Variants in GAREM2 observed in about 807,000 individuals in gnomAD.
The protein encoded by GAREM2 is GRB2 associated regulator of MAPK1 subtype 2.
A neutral mutation model predicts 55.6 loss-of-function variants in GAREM2; 30 were observed. The observed-to-expected ratio is 0.54, with a 90% CI of 0.40 to 0.73. The LOEUF (loss-of-function observed/expected upper bound fraction) is 0.73. GAREM2 is among the 30% of genes least tolerant of loss of function. The pLI is 0.00. For missense variants in GAREM2, 1,075 were observed against 1,257.7 expected, an observed-to-expected ratio of 0.85 and a Z score of 2.20; for synonymous variants, 550 against 569.1, an observed-to-expected ratio of 0.97 and a Z score of 0.48.
Position 26,179,260 on chromosome 2 carries a change from GTGTTGGCCT to G in GAREM2, c.253+2781_253+2789del, listed in dbSNP as rs1668967978. Among the ~76,000 whole-genome samples, 1 of 152,186 alleles carries G rather than the reference GTGTTGGCCT, an allele frequency of 6.6e-6. No individual in the cohort carries two copies. The highest frequency in any genetic ancestry group is 1.5e-5 in the Non-Finnish European group (1 of 68,024). On this transcript the variant is annotated intron_variant, in intron 2 of 5. Coordinates refer to ENST00000401533, the MANE Select transcript of GAREM2 (RefSeq NM_001168241.2). The surrounding 1 kb of genome is among the most constrained non-coding windows in gnomAD (Gnocchi z 4.7). ...CCCTGAGCATGGTGCCACTTCCCCA[GTGTTGGCCT>G]TGTTTCCTGCTCAGCATTTGGCAGA...
At chr2:26,204,195 GCCT>G in the GAREM2 span, 1 of 1,613,842 alleles carries the variant, frequency 6.2e-7, no homozygotes, top group Non-Finnish European at 8.5e-7. Context: ...ATAGCCAGAT[GCCT>G]GCAAGGCAAG....
intron 1 of GAREM2, among the ~76,000 whole-genome samples, chr2:26,174,790 G>A (rs953859957): frequency 1.3e-5 from 2 of 152,178 alleles, no homozygotes; most frequent in Non-Finnish European, 2.9e-5. Context: ...GGGCCCCTTG[G>A]CCGGAGACTG....
chr2:26,194,700 T>C, the GAREM2 span: 373 of 1,049,182 alleles, frequency 3.6e-4, 1 homozygote, highest in South Asian at 1.7e-3. Context: ...TGAAACACTC[T>C]ACCTTTCCCA....
At chr2:26,175,341 AC>A (rs952628491) in intron 1 of GAREM2, among the ~76,000 whole-genome samples, 49 of 151,702 alleles carry the variant, frequency 3.2e-4, no homozygotes, top group Admixed American at 9.8e-4. Context: ...CCAGGCCCAG[AC>A]CCCTCCCAAC....
In GAREM2 at chr2:26,179,051, G is replaced by T. The variant is rs567764539; in HGVS notation, c.253+2567G>T. 6.6e-6 allele frequency among the ~76,000 whole-genome samples: 1 copy of T among 152,338 alleles called. No individual in the cohort carries two copies. Among genetic ancestry groups the T allele is most frequent in the African/African-American group, 2.4e-5 (1 of 41,570 alleles). On this transcript the variant is annotated intron_variant, in intron 2 of 5. Coordinates refer to ENST00000401533, the MANE Select transcript of GAREM2 (RefSeq NM_001168241.2). The surrounding 1 kb of genome is among the most constrained non-coding windows in gnomAD (Gnocchi z 4.7). ...CCGGCTGCGGACCGCGGAGAGAGCC[G>T]AGGGGAAGGCCGTGGAGGGAGGAGG...
Position 26,185,279 on chromosome 2 carries a change from G to A in GAREM2, c.1428+3G>A. On this transcript the variant is annotated splice_donor_region_variant and intron_variant, in intron 4 of 5. Transcript: ENST00000401533. The stretch of plus-strand genomic sequence containing the variant: ...CAGTCCCTCCCAAATCCGAGGCGGT[G>A]AGTGAGCGCGCTGGGGGCCGAGTCC... 6.6e-7 allele frequency: 1 copy of A among 1,510,480 alleles called. No homozygotes were observed. Among genetic ancestry groups the A allele is most frequent in the Non-Finnish European group, 8.8e-7 (1 of 1,136,198 alleles). The allele number at this position is 1,510,480 out of a possible 1,614,324, so 93.6% of individuals were successfully genotyped here.
In GAREM2 at chr2:26,184,761, C is replaced by G. The variant is rs1669172988; in HGVS notation, c.913C>G (p.Leu305Val). Residue 305 changes from leucine to valine, a missense_variant, in exon 4 of 6, where the codon CTG (leucine) becomes GTG (valine). Leu to Val is a conservative substitution (Grantham distance 32, BLOSUM62 1). This residue lies in a region of GAREM2 where 170 missense variants were observed against 220.7 expected (regional missense o/e 0.77). Coordinates refer to ENST00000401533, the MANE Select transcript of GAREM2 (RefSeq NM_001168241.2). Reference protein sequence around the residue: ...ISKTVVLGLALRREGPAPLHF... With the variant: ...ISKTVVLGLAVRREGPAPLHF... ...CAAGACGGTGGTGCTGGGGCTGGCG[C>G]TGCGCCGCGAGGGCCCGGCGCCGCT... 1 of 1,497,474 alleles carries G rather than the reference C, an allele frequency of 6.7e-7. No individual in the cohort carries two copies. The highest frequency in any genetic ancestry group is 1.4e-5 in the African/African-American group (1 of 69,106). 92.8% of individuals were successfully genotyped at this position (1,497,474 alleles called of 1,614,324 possible). A position where few individuals can be genotyped will look rare whatever the true frequency, so the allele number is the denominator to read the frequency against.
chr2:26,193,681 T>A, downstream of GAREM2: 1 of 1,614,012 alleles, frequency 6.2e-7, no homozygotes, highest in Non-Finnish European at 8.5e-7. Flanking sequence ...TTTCGCTACA[T>A]CCACACCAAC....
At chr2:26,202,932 G>A in the GAREM2 span, among the ~76,000 whole-genome samples, 1 of 152,236 alleles carries the variant, frequency 6.6e-6, no homozygotes, top group Non-Finnish European at 1.5e-5. Flanking sequence ...GCAGTGTGGT[G>A]AGCGGCACTC....
intron 1 of GAREM2, among the ~76,000 whole-genome samples, chr2:26,174,330 C>T (rs1668792492): frequency 6.6e-6 from 1 of 152,256 alleles, no homozygotes; most frequent in Admixed American, 6.5e-5. Context: ...CTCTGGCTCG[C>T]GGCCGAGTGG....
At chr2:26,202,862 T>C in the GAREM2 span, among the ~76,000 whole-genome samples, 16 of 152,390 alleles carry the variant, frequency 1.0e-4, no homozygotes, top group African/African-American at 3.8e-4. Flanking sequence ...TCAGTTGCTC[T>C]AATTCTAATG....
At chr2:26,191,436 C>T (rs535654673), downstream of GAREM2, 25 of 1,614,054 alleles carry the variant, frequency 1.5e-5, no homozygotes, top group South Asian at 2.2e-5. Flanking sequence ...AGACGCAACA[C>T]GGGCTCCAGG....
rs565839491 is a variant in GAREM2 at position 26,176,123 on chromosome 2, G to A, written c.113-221G>A. On this transcript the variant is annotated intron_variant, in intron 1 of 5. Transcript: ENST00000401533. ...CAGCCACTGATGAACGAGGGGCCCCGTCGGGAGTCACAGCCCTGAGAGGCT... is the reference window on the plus strand; with the variant it reads ...CAGCCACTGATGAACGAGGGGCCCCATCGGGAGTCACAGCCCTGAGAGGCT... Among the ~76,000 whole-genome samples the A allele has an allele frequency of 3.1e-4, 47 of 152,308 alleles. No individual in the cohort carries two copies. The Middle Eastern group carries it at 0.014, about 44-fold the overall frequency.
downstream of GAREM2, among the ~76,000 whole-genome samples, chr2:26,190,239 T>TGACA (rs1486439970): frequency 2.6e-5 from 4 of 152,190 alleles, no homozygotes; most frequent in Admixed American, 1.3e-4. Context: ...TGGTAATATC[T>TGACA]GACAATTTAG....
Position 26,186,303 on chromosome 2 carries a change from C to T in GAREM2, c.1543C>T (p.Pro515Ser), listed in dbSNP as rs1378798636. The T allele has an allele frequency of 6.4e-7, 1 of 1,551,638 alleles. No individual in the cohort carries two copies. Among genetic ancestry groups the T allele is most frequent in the Non-Finnish European group, 8.7e-7 (1 of 1,146,968 alleles). The change falls in exon 5 of 6, where the codon CCG (proline) becomes TCG (serine). Residue 515 changes from proline (P) to serine (S), a missense_variant. Around this residue, in one of 6 missense-constraint regions of GAREM2, gnomAD observed 515 missense variants for 501.5 expected, o/e 1.03. Coordinates refer to ENST00000401533, the MANE Select transcript of GAREM2 (RefSeq NM_001168241.2). Reference protein sequence around the residue: ...PVPPRFPKLQPVHSPSSSLSY... With the variant: ...PVPPRFPKLQSVHSPSSSLSY... ...TCCCCCTCGCTTCCCCAAGCTGCAGCCGGTACATTCCCCCAGCTCCAGCCT... is the reference window on the plus strand; with the variant it reads ...TCCCCCTCGCTTCCCCAAGCTGCAGTCGGTACATTCCCCCAGCTCCAGCCT...
At chr2:26,196,237 T>C in the GAREM2 span, among the ~76,000 whole-genome samples, 4 of 152,188 alleles carry the variant, frequency 2.6e-5, no homozygotes, top group Non-Finnish European at 5.9e-5. Context: ...TCTGTCTATC[T>C]CCAATGCCAT....
At position 26,173,964 on chromosome 2, in the gene GAREM2, C is replaced by A. The variant is rs573601665; in HGVS notation, c.112+632C>A. 2.6e-4 allele frequency among the ~76,000 whole-genome samples: 39 copies of A among 151,734 alleles called. No individual in the cohort carries two copies. The East Asian group carries it at 6.8e-3, about 27-fold the overall frequency. ...ATAGGACCTGGGGCCCCCAGCCGCT[C>A]GGCTGATGGAACCACGCATGGGGGC... On this transcript the variant is annotated intron_variant, in intron 1 of 5. Coordinates refer to ENST00000401533, the MANE Select transcript of GAREM2 (RefSeq NM_001168241.2).
chr2:26,188,290 T>C lies in GAREM2; in HGVS notation c.*33T>C. On this transcript the variant is annotated 3_prime_UTR_variant, in exon 6 of 6. Coordinates refer to ENST00000401533, the MANE Select transcript of GAREM2 (RefSeq NM_001168241.2). ...AGCTGGAGCTGCACAGCTGGAATGC[T>C]GGTATGGGGGCCCCAGGTACAGCAC... 7.1e-7 allele frequency: 1 copy of C among 1,416,264 alleles called. No homozygotes were observed. Among genetic ancestry groups the C allele is most frequent in the Non-Finnish European group, 9.3e-7 (1 of 1,076,370 alleles). The allele number at this position is 1,416,264 out of a possible 1,614,324, so 87.7% of individuals were successfully genotyped here.
Position 26,186,249 on chromosome 2 carries a change from A to G in GAREM2, c.1489A>G (p.Ser497Gly), listed in dbSNP as rs1466874870. ...AGTGCCTCCCCGGGGTGGCAATGGCAGCGGCCGGCTCTCCAGCAGCCCCCC... is the reference window on the plus strand; with the variant it reads ...AGTGCCTCCCCGGGGTGGCAATGGCGGCGGCCGGCTCTCCAGCAGCCCCCC... ...PPVPPRGGNG[S>G]GRLSSSPPVP... The change falls in exon 5 of 6, where the codon AGC becomes GGC. Residue 497 changes from serine to glycine, a missense_variant. This residue lies in a region of GAREM2 where 515 missense variants were observed against 501.5 expected (regional missense o/e 1.03). Coordinates refer to ENST00000401533, the MANE Select transcript of GAREM2 (RefSeq NM_001168241.2). 39 of 1,548,958 alleles carry G rather than the reference A, an allele frequency of 2.5e-5. No individual in the cohort carries two copies. Among genetic ancestry groups the G allele is most frequent in the Non-Finnish European group, 3.3e-5 (38 of 1,145,780 alleles).
Sources: allele counts gnomAD v4.1 joint callset (sites outside exome capture counted in the v4.1 genomes callset), GRCh38; gene constraint gnomAD v4.1.1; regional missense constraint gnomAD v4.1.1; non-coding constraint Gnocchi (gnomAD v3.1); transcripts MANE v1.5; gene names NCBI Gene and HGNC (gene_info 2026-07-23, HGNC 2026-07-21).